Variants in FXR2 observed in about 807,000 individuals in gnomAD.
The protein encoded by FXR2 is RNA-binding protein FXR2.
In FXR2, 9 loss-of-function variants were observed where a neutral mutation model predicts 87.3. The observed-to-expected ratio is 0.10, with a 90% CI of 0.06 to 0.18. FXR2 has a LOEUF of 0.18. Ranked by LOEUF, FXR2 falls within the 10% of genes least tolerant of loss-of-function variation. FXR2 has a pLI of 1.00. For synonymous variants in FXR2, 331 were observed against 328.3 expected, an observed-to-expected ratio of 1.01 and a Z score of -0.09; for missense variants, 661 against 893.6, an observed-to-expected ratio of 0.74 and a Z score of 3.32.
At position 7,593,816 on chromosome 17, in the gene FXR2, T is replaced by A; in HGVS notation, c.1107+102A>T. On this transcript the variant is annotated intron_variant, in intron 11 of 16. Transcript: ENST00000250113. The surrounding 1 kb of genome is among the most constrained non-coding windows in gnomAD (Gnocchi z 6.1). ...AAATTTCCACAGATGTTTTCTGTTC[T>A]ACACGGAGAGACAAACAGAGAACCA... is the stretch of plus-strand genomic sequence containing the variant. 1.1e-6 allele frequency: 1 copy of A among 886,078 alleles called. No homozygotes were observed. The highest frequency in any genetic ancestry group is 1.9e-6 in the Non-Finnish European group (1 of 539,494). The allele number at this position is 886,078 out of a possible 1,614,324, so 54.9% of individuals were successfully genotyped here. A position where few individuals can be genotyped will look rare whatever the true frequency, so the allele number is the denominator to read the frequency against.
At chr17:7,609,944 G>GTATA (rs1159025216) in intron 1 of FXR2, among the ~76,000 whole-genome samples, 1 of 60,826 alleles carries the variant, frequency 1.6e-5, no homozygotes, top group African/African-American at 8.2e-5. Flanking sequence ...ATATATACAT[G>GTATA]TATATGTATA....
At position 7,595,023 on chromosome 17, in the gene FXR2, A is replaced by G. The variant is rs2071696514; in HGVS notation, c.832-266T>C. Reference sequence around the variant, plus strand: ...GCTACTCCGGAGGCTGAGGCAGGAGATTTCTTGAACCCAGGAGGCAGAGGT... The same window carrying G: ...GCTACTCCGGAGGCTGAGGCAGGAGGTTTCTTGAACCCAGGAGGCAGAGGT... On this transcript the variant is annotated intron_variant, in intron 8 of 16. Transcript: ENST00000250113. The surrounding 1 kb of genome is among the most constrained non-coding windows in gnomAD (Gnocchi z 4.7). Among the ~76,000 whole-genome samples the G allele has an allele frequency of 6.6e-6, 1 of 152,044 alleles. No homozygotes were observed. Among genetic ancestry groups the G allele is most frequent in the South Asian group, 2.1e-4 (1 of 4,822 alleles).
At position 7,591,965 on chromosome 17, in the gene FXR2, C is replaced by T. The variant is rs182730506; in HGVS notation, c.1927-40G>A. 40 of 1,325,824 alleles carry T rather than the reference C, an allele frequency of 3.0e-5. 1 individual carries two copies. The East Asian group carries it at 7.2e-4, about 24-fold the overall frequency. 82.1% of individuals were successfully genotyped at this position (1,325,824 alleles called of 1,614,324 possible). A position where few individuals can be genotyped will look rare whatever the true frequency, so the allele number is the denominator to read the frequency against. On this transcript the variant is annotated intron_variant, in intron 16 of 16. Coordinates refer to ENST00000250113, the MANE Select transcript of FXR2 (RefSeq NM_004860.4). The surrounding 1 kb of genome is among the most constrained non-coding windows in gnomAD (Gnocchi z 4.0). ...GGAAAGAAAACAGAAAAGCAAGAAG[C>T]GGTGAGTAGAAATTCAGGTGGGAGA...
intron 5 of FXR2, among the ~76,000 whole-genome samples, chr17:7,603,528 C>CAAA (rs35153607): frequency 9.4e-6 from 1 of 106,892 alleles, no homozygotes; most frequent in Non-Finnish European, 2.1e-5. Flanking sequence ...ACTCTGTCTC[C>CAAA]AAAAAAAAAA....
At chr17:7,600,182 G>C (rs950572503) in intron 7 of FXR2, among the ~76,000 whole-genome samples, 1 of 150,280 alleles carries the variant, frequency 6.7e-6, no homozygotes, top group African/African-American at 2.5e-5. Flanking sequence ...TACAGACGTG[G>C]GCCACCGCGC....
rs2071680962 is a variant in FXR2, at chr17:7,593,238, C to A, written c.1331-57G>T. ...ATTCATCCCACCTCAGGATCCATCA[C>A]ATCCCCCAAACTGGAAGAATTCTCC... is the stretch of plus-strand genomic sequence containing the variant. On this transcript the variant is annotated intron_variant, in intron 12 of 16. Coordinates refer to ENST00000250113, the MANE Select transcript of FXR2 (RefSeq NM_004860.4). The surrounding 1 kb of genome is among the most constrained non-coding windows in gnomAD (Gnocchi z 6.1). 15 of 1,366,236 alleles carry A rather than the reference C, an allele frequency of 1.1e-5. No individual in the cohort carries two copies. Among genetic ancestry groups the A allele is most frequent in the Non-Finnish European group, 1.5e-5 (15 of 1,013,198 alleles). The allele number at this position is 1,366,236 out of a possible 1,614,324, so 84.6% of individuals were successfully genotyped here.
Position 7,610,038 on chromosome 17 carries a change from GTA to G in FXR2, c.82-3891_82-3890del, listed in dbSNP as rs537396676. 1.9e-3 allele frequency among the ~76,000 whole-genome samples: 139 copies of G among 72,226 alleles called. 3 individuals carry two copies. The highest frequency in any genetic ancestry group is 5.3e-3 in the African/African-American group (62 of 11,778). 47.4% of individuals were successfully genotyped at this position (72,226 alleles called of 152,430 possible). On this transcript the variant is annotated intron_variant, in intron 1 of 16. Coordinates refer to ENST00000250113, the MANE Select transcript of FXR2 (RefSeq NM_004860.4). ...TATACATGTATATGTATACATGTAT[GTA>G]TATATATACACACACACACACACAC...
In FXR2 at chr17:7,593,402, C is replaced by A; in HGVS notation, c.1330+1G>T. 1 of 1,562,900 alleles carries A rather than the reference C, an allele frequency of 6.4e-7. No individual in the cohort carries two copies. The highest frequency in any genetic ancestry group is 8.7e-7 in the Non-Finnish European group (1 of 1,153,010). The stretch of plus-strand genomic sequence containing the variant: ...GCCTCCTGTTCCCATAACTGTCTCA[C>A]CATAGGCAGGACCGCCTGTCCTCCG... On this transcript the variant is annotated splice_donor_variant, in intron 12 of 16. Coordinates refer to ENST00000250113, the MANE Select transcript of FXR2 (RefSeq NM_004860.4). LOFTEE classifies it high-confidence loss of function. This position sits in a 1 kb window ranked among gnomAD's most constrained non-coding sequence, Gnocchi z 6.1.
At chr17:7,614,428 TC>T (rs1833077968) in intron 1 of FXR2, 23 bp downstream of exon 1, 10 of 1,493,322 alleles carry the variant, frequency 6.7e-6, no homozygotes, top group African/African-American at 1.4e-5. Context: ...AGGACCGGCG[TC>T]CCCAGTCGGC....
At position 7,595,182 on chromosome 17, in the gene FXR2, C is replaced by T. The variant is rs975434639; in HGVS notation, c.832-425G>A. On this transcript the variant is annotated intron_variant, in intron 8 of 16. Coordinates refer to ENST00000250113, the MANE Select transcript of FXR2 (RefSeq NM_004860.4). The surrounding 1 kb of genome is among the most constrained non-coding windows in gnomAD (Gnocchi z 4.7). ...AACAGAGGACCTTGGCCAGGCACAG[C>T]GGCTCACACCCATAATCTCAACAGT... Among the ~76,000 whole-genome samples, 3 of 151,190 alleles carry T rather than the reference C, an allele frequency of 2.0e-5. No individual in the cohort carries two copies. The highest frequency in any genetic ancestry group is 7.3e-5 in the African/African-American group (3 of 41,162).
At chr17:7,602,249 C>G (rs965361987) in intron 6 of FXR2, among the ~76,000 whole-genome samples, 1 of 151,910 alleles carries the variant, frequency 6.6e-6, no homozygotes, top group Non-Finnish European at 1.5e-5. Context: ...TGGTGAAACC[C>G]TGTTTCTACT....
At chr17:7,605,610 G>C (rs531263643) in intron 3 of FXR2, 35 bp downstream of exon 3, 9 of 1,069,716 alleles carry the variant, frequency 8.4e-6, no homozygotes, top group Non-Finnish European at 1.1e-5. Flanking sequence ...CTGGGGAAAA[G>C]TGACATTTAG....
rs771938072 is a variant in FXR2, at chr17:7,593,114, A to G, written c.1398T>C (p.Ala466=). The G allele has an allele frequency of 7.6e-6, 12 of 1,587,618 alleles. No homozygotes were observed. In the East Asian group the frequency reaches 2.7e-4, roughly 36 times the overall value. Residue 466 remains alanine (A), a synonymous_variant, in exon 13 of 17, where the codon GCT becomes GCC. Coordinates refer to ENST00000250113, the MANE Select transcript of FXR2 (RefSeq NM_004860.4). The surrounding 1 kb of genome is among the most constrained non-coding windows in gnomAD (Gnocchi z 6.1). Reference sequence around the variant, plus strand: ...TTGGGGGATCCCTGTCGCCAGGCCCAGCTCGGTTGGGCTCCTCTCTCTTCT... The same window carrying G: ...TTGGGGGATCCCTGTCGCCAGGCCCGGCTCGGTTGGGCTCCTCTCTCTTCT... The part of the protein sequence containing the change: ...ESEKREEPNR[A]GPGDRDPPTR...
At chr17:7,610,373 A>T (rs2071853663) in intron 1 of FXR2, among the ~76,000 whole-genome samples, 1 of 152,152 alleles carries the variant, frequency 6.6e-6, no homozygotes, top group East Asian at 1.9e-4. Flanking sequence ...GATATATTCA[A>T]ATCGGCTATG....
intron 1 of FXR2, among the ~76,000 whole-genome samples, chr17:7,609,939 T>TACATGTATATGTATACATATATAC (rs1567753760): frequency 8.7e-6 from 1 of 114,760 alleles, no homozygotes; most frequent in East Asian, 2.2e-4. Context: ...TGTATATATA[T>TACATGTATATGTATACATATATAC]ACATGTATAT....
At chr17:7,614,355 G>T in intron 1 of FXR2, 97 bp downstream of exon 1, 1 of 886,968 alleles carries the variant, frequency 1.1e-6, no homozygotes, top group Non-Finnish European at 1.7e-6. Context: ...TAAGGGCCAG[G>T]ACTCAGCTCC....
At chr17:7,607,552 C>G (rs886242728) in intron 1 of FXR2, among the ~76,000 whole-genome samples, 3 of 151,792 alleles carry the variant, frequency 2.0e-5, no homozygotes, top group Non-Finnish European at 4.4e-5. Flanking sequence ...CTCAGCCTCA[C>G]GAGTAGCTGA....
rs1245230448 is a variant in FXR2 at position 7,593,907 on chromosome 17, G to A, written c.1107+11C>T. The A allele has an allele frequency of 4.5e-6, 7 of 1,561,114 alleles. No individual in the cohort carries two copies. Among genetic ancestry groups the A allele is most frequent in the South Asian group, 4.4e-5 (4 of 89,968 alleles). Reference sequence around the variant, plus strand: ...TTCACACCCAGCATTTTTCTCTCCCGGCCTGGGTACCTGCAGGTAGGAGAG... The same window carrying A: ...TTCACACCCAGCATTTTTCTCTCCCAGCCTGGGTACCTGCAGGTAGGAGAG... On this transcript the variant is annotated intron_variant, in intron 11 of 16. Coordinates refer to ENST00000250113, the MANE Select transcript of FXR2 (RefSeq NM_004860.4). The surrounding 1 kb of genome is among the most constrained non-coding windows in gnomAD (Gnocchi z 6.1).
chr17:7,602,836 G>A (rs1292829959), intron 6 of FXR2, 73 bp downstream of exon 6: 5 of 754,662 alleles, frequency 6.6e-6, no homozygotes, highest in Non-Finnish European at 1.2e-5. Flanking sequence ...TTCTCTTTCT[G>A]CAAAAGGGTT....
Sources: allele counts gnomAD v4.1 joint callset (sites outside exome capture counted in the v4.1 genomes callset), GRCh38; gene constraint gnomAD v4.1.1; non-coding constraint Gnocchi (gnomAD v3.1); transcripts MANE v1.5; gene names NCBI Gene and HGNC (gene_info 2026-07-23, HGNC 2026-07-21).